Variants in TATDN2 observed in about 807,000 individuals in gnomAD.
TATDN2 encodes the protein 3'-5' RNA nuclease TATDN2.
In TATDN2, 44 loss-of-function variants were observed where a neutral mutation model predicts 60.3. That is an observed-to-expected ratio of 0.73 (90% CI 0.57 to 0.94). TATDN2 has a LOEUF of 0.94. Among genes scored for constraint, TATDN2 ranks in the 40% least tolerant of loss-of-function variants. The pLI is 0.00. For missense variants in TATDN2, 997 were observed against 948.0 expected (o/e 1.05, Z -0.68); for synonymous variants, 399 against 355.8 (o/e 1.12, Z -1.37).
intron 3 of TATDN2, among the ~76,000 whole-genome samples, chr3:10,261,862 A>T (rs1698409975): frequency 6.6e-6 from 1 of 152,162 alleles, no homozygotes; most frequent in Non-Finnish European, 1.5e-5. Flanking sequence ...TACCTCCTTC[A>T]GAAGCACCCA....
chr3:10,273,615 C>T lies in TATDN2; in HGVS notation c.1833+2600C>T, dbSNP rs1698596785. Among the ~76,000 whole-genome samples, 3 of 150,858 alleles carry T rather than the reference C, an allele frequency of 2.0e-5. No homozygotes were observed. The South Asian group carries it at 6.3e-4, about 31-fold the overall frequency. On this transcript the variant is annotated intron_variant, in intron 4 of 7. Transcript: ENST00000448281. ...TATTACATTAAAAAAAAAAAAGAGC[C>T]TGTGGAAGGTCTGTATCTGGGCAAG... is the stretch of plus-strand genomic sequence containing the variant.
rs553199759 is a variant in TATDN2, at chr3:10,252,941, C to G, written c.414+3327C>G. ...GTGCAATCTCGGCTCACTGCAAGCT[C>G]CGCCTCCCGGGTTCACGCCATTCTC... is the stretch of plus-strand genomic sequence containing the variant. On this transcript the variant is annotated intron_variant, in intron 2 of 7. Transcript: ENST00000448281. Among the ~76,000 whole-genome samples the G allele has an allele frequency of 2.2e-4, 33 of 150,418 alleles. No individual in the cohort carries two copies. In the South Asian group the frequency reaches 6.7e-3, roughly 31 times the overall value.
chr3:10,267,505 GTA>G (rs1426626458), intron 3 of TATDN2, among the ~76,000 whole-genome samples: 1 of 152,178 alleles, frequency 6.6e-6, no homozygotes, highest in Non-Finnish European at 1.5e-5. Flanking sequence ...AATGAGAACT[GTA>G]TGTGGCAATT....
chr3:10,276,119 T>C (rs1239262843), intron 4 of TATDN2, among the ~76,000 whole-genome samples: 5 of 152,264 alleles, frequency 3.3e-5, no homozygotes, highest in East Asian at 1.9e-4. Context: ...CCTCACTGCA[T>C]GCTGCGCAGA....
Position 10,260,135 on chromosome 3 carries a change from A to G in TATDN2, c.415-2A>G. The G allele has an allele frequency of 6.3e-7, 1 of 1,587,964 alleles. No individual in the cohort carries two copies. The highest frequency in any genetic ancestry group is 8.5e-7 in the Non-Finnish European group (1 of 1,171,138). ...CTTTCAATTCTGTTTTTTTTTTCCC[A>G]GGTTGATTCCAAAGATAGTTCTCAT... On this transcript the variant is annotated splice_acceptor_variant, in intron 2 of 7. Transcript: ENST00000448281. LOFTEE classifies it high-confidence loss of function.
intron 3 of TATDN2, among the ~76,000 whole-genome samples, chr3:10,265,611 G>A (rs1354514601): frequency 2.7e-5 from 4 of 147,812 alleles, no homozygotes; most frequent in Admixed American, 6.8e-5. Context: ...GAACCTGAGA[G>A]GTGGAGCTTG....
chr3:10,260,488 G>A lies in TATDN2; in HGVS notation c.766G>A (p.Val256Ile), dbSNP rs394558. ...AQKEKDATPE[V>I]SMEEDKTVPE... Reference sequence around the variant, plus strand: ...GAAGGAGAAAGACGCAACCCCAGAGGTCAGCATGGAGGAGGATAAGACAGT... The same window carrying A: ...GAAGGAGAAAGACGCAACCCCAGAGATCAGCATGGAGGAGGATAAGACAGT... The change falls in exon 3 of 8, where the codon GTC (valine) becomes ATC (isoleucine). Residue 256 changes from valine to isoleucine, a missense_variant. Transcript: ENST00000448281. 0.44 allele frequency: 710,986 copies of A among 1,613,646 alleles called. 170,353 individuals are homozygous for A. Among genetic ancestry groups the A allele is most frequent in the East Asian group, 0.98 (44,008 of 44,884 alleles).
At chr3:10,255,614 A>G (rs1363924325) in intron 2 of TATDN2, among the ~76,000 whole-genome samples, 1 of 151,592 alleles carries the variant, frequency 6.6e-6, no homozygotes, top group African/African-American at 2.4e-5. Context: ...GGTCCTTAAC[A>G]GTATTTACAT....
intron 4 of TATDN2, among the ~76,000 whole-genome samples, chr3:10,274,036 A>C (rs1698601397): frequency 1.3e-5 from 2 of 152,348 alleles, no homozygotes; most frequent in East Asian, 3.9e-4. Context: ...TAACTCTGGA[A>C]TCCCTGGAAA....
rs764703154 is a variant in TATDN2, at chr3:10,270,380, A to G, written c.1198A>G (p.Ser400Gly). 4.4e-5 allele frequency: 71 copies of G among 1,614,096 alleles called. No homozygotes were observed. Among genetic ancestry groups the G allele is most frequent in the Non-Finnish European group, 5.7e-5 (67 of 1,180,048 alleles). ...GCCTTCTAGCTACCCCTCCACAGGCAGCAGCAGCAACGATGCAGCCCAGGT... is the reference window on the plus strand; with the variant it reads ...GCCTTCTAGCTACCCCTCCACAGGCGGCAGCAGCAACGATGCAGCCCAGGT... ...PKPSSYPSTGSSSNDAAQVGK... is the reference protein window; with the variant it reads ...PKPSSYPSTGGSSNDAAQVGK... Residue 400 changes from serine (S) to glycine (G), a missense_variant, in exon 4 of 8, where the codon AGC becomes GGC. Physicochemically the swap from Ser to Gly is moderately conservative, Grantham distance 56 (BLOSUM62 0). Transcript: ENST00000448281.
Position 10,278,867 on chromosome 3 carries a change from C to T in TATDN2, c.2146-18C>T, listed in dbSNP as rs1331911357. On this transcript the variant is annotated intron_variant, in intron 6 of 7. Transcript: ENST00000448281. The surrounding 1 kb of genome is among the most constrained non-coding windows in gnomAD (Gnocchi z 4.7). ...CACACATGGCACAATGATGTTATGACCACTTGATGTCTTCCAGGTTCCCAA... is the reference window on the plus strand; with the variant it reads ...CACACATGGCACAATGATGTTATGATCACTTGATGTCTTCCAGGTTCCCAA... The T allele has an allele frequency of 6.2e-7, 1 of 1,613,986 alleles. No homozygotes were observed. Among genetic ancestry groups the T allele is most frequent in the Admixed American group, 1.7e-5 (1 of 59,964 alleles).
intron 2 of TATDN2, among the ~76,000 whole-genome samples, chr3:10,252,418 C>G: frequency 6.6e-6 from 1 of 152,168 alleles, no homozygotes; most frequent in East Asian, 1.9e-4. Context: ...TTGTCCATCT[C>G]TAGGACTGCT....
Position 10,278,450 on chromosome 3 carries a change from C to T in TATDN2, c.2133C>T (p.Phe711=). Residue 711 remains phenylalanine, a synonymous_variant, in exon 6 of 8, where the codon TTC becomes TTT. Coordinates refer to ENST00000448281, the MANE Select transcript of TATDN2 (RefSeq NM_014760.4). The surrounding 1 kb of genome is among the most constrained non-coding windows in gnomAD (Gnocchi z 4.7). The part of the protein sequence containing the change: ...RIIVETDAPY[F]LPRQVPKSLC... ...TCGTGGAAACGGATGCTCCCTATTT[C>T]CTCCCTCGCCAGGTAAGGGGGTCTT... is the stretch of plus-strand genomic sequence containing the variant. The T allele has an allele frequency of 2.5e-6, 4 of 1,612,144 alleles. No individual in the cohort carries two copies. The highest frequency in any genetic ancestry group is 3.3e-4 in the Middle Eastern group (2 of 6,046).
chr3:10,260,820 C>T (rs1272526663), intron 3 of TATDN2, 150 bp downstream of exon 3: 3 of 906,516 alleles, frequency 3.3e-6, no homozygotes, highest in Non-Finnish European at 4.8e-6. Flanking sequence ...TTTCTTCTAA[C>T]ATACTTTTCA....
At position 10,271,388 on chromosome 3, in the gene TATDN2, G is replaced by A. The variant is rs191648199; in HGVS notation, c.1833+373G>A. 1.7e-3 allele frequency among the ~76,000 whole-genome samples: 266 copies of A among 152,164 alleles called. 3 individuals carry two copies. Among genetic ancestry groups the A allele is most frequent in the Non-Finnish European group, 2.6e-3 (178 of 68,002 alleles). ...GAGTGCAGTGGTGCGATCTCAGCTC[G>A]CTGCAACCTCCGCCTCCTGGGTTCA... is the stretch of plus-strand genomic sequence containing the variant. On this transcript the variant is annotated intron_variant, in intron 4 of 7. Coordinates refer to ENST00000448281, the MANE Select transcript of TATDN2 (RefSeq NM_014760.4).
intron 5 of TATDN2, 87 bp downstream of exon 5, chr3:10,276,575 TTATACAC>T: frequency 6.9e-7 from 1 of 1,445,134 alleles, no homozygotes; most frequent in Non-Finnish European, 9.3e-7. Flanking sequence ...TATTCTGTCA[TTATACAC>T]TATCTATTCT....
At chr3:10,264,456 T>C (rs1202489678) in intron 3 of TATDN2, among the ~76,000 whole-genome samples, 1 of 152,206 alleles carries the variant, frequency 6.6e-6, no homozygotes, top group East Asian at 1.9e-4. Context: ...TTCTTTAGTT[T>C]TAGTGAGGTT....
At chr3:10,275,392 A>G (rs190917467) in intron 4 of TATDN2, among the ~76,000 whole-genome samples, 28 of 152,378 alleles carry the variant, frequency 1.8e-4, no homozygotes, top group Non-Finnish European at 2.5e-4. Context: ...GGGTAGTGTT[A>G]TAAAGAGTAA....
intron 2 of TATDN2, among the ~76,000 whole-genome samples, chr3:10,257,915 C>T (rs1698339594): frequency 8.6e-6 from 1 of 115,634 alleles, no homozygotes; most frequent in African/African-American, 3.3e-5. Context: ...GGCTGGAGTG[C>T]AGTGGCACGA....
Sources: allele counts gnomAD v4.1 joint callset (sites outside exome capture counted in the v4.1 genomes callset), GRCh38; gene constraint gnomAD v4.1.1; non-coding constraint Gnocchi (gnomAD v3.1); transcripts MANE v1.5; gene names NCBI Gene and HGNC (gene_info 2026-07-23, HGNC 2026-07-21).